The following MAP3K19 variants were observed in gnomAD, a reference collection of about 807,000 sequenced individuals.
The protein encoded by MAP3K19 is mitogen-activated protein kinase kinase kinase 19, also known as SPS1/STE20-related protein kinase YSK4.
In MAP3K19, 91 loss-of-function variants were observed where a neutral mutation model predicts 114.4. That is an observed-to-expected ratio of 0.80 (90% CI 0.67 to 0.95). The LOEUF is 0.95. Ranked by LOEUF, MAP3K19 falls within the 40% of genes least tolerant of loss-of-function variation. The pLI, the probability that MAP3K19 is intolerant of heterozygous loss-of-function variation, is 0.00. For missense variants in MAP3K19, 1,471 were observed against 1,573.2 expected (o/e 0.94, Z 1.10); for synonymous variants, 518 against 530.5 (o/e 0.98, Z 0.32).
At chr2:135,023,581 C>A in intron 4 of MAP3K19, 1 of 526,948 alleles carries the variant, frequency 1.9e-6, no homozygotes, top group Non-Finnish European at 3.9e-6. Flanking sequence ...AAAATTTAGT[C>A]ATCTTTGACT....
intron 5 of MAP3K19, among the ~76,000 whole-genome samples, chr2:135,021,043 T>C (rs1318104508): frequency 1.3e-5 from 2 of 152,196 alleles, no homozygotes; most frequent in African/African-American, 2.4e-5. Flanking sequence ...TTATTTAGTA[T>C]GGATTCAGCT....
At chr2:134,975,849 G>C (rs1684199022) in intron 12 of MAP3K19, among the ~76,000 whole-genome samples, 1 of 152,220 alleles carries the variant, frequency 6.6e-6, no homozygotes, top group Non-Finnish European at 1.5e-5. Flanking sequence ...AGAAGCTGCA[G>C]TGGACAGCAG....
At chr2:135,021,473 TACAC>T (rs111431630) in intron 5 of MAP3K19, among the ~76,000 whole-genome samples, 57 of 146,644 alleles carry the variant, frequency 3.9e-4, no homozygotes, top group African/African-American at 5.7e-4. Flanking sequence ...CACACACACA[TACAC>T]ACACACACAC....
chr2:134,987,116 G>GCCAAGGCCTGGGGTCCACAAGTC lies in MAP3K19; in HGVS notation c.1733_1755dup (p.Gln586AspfsTer20). The GCCAAGGCCTGGGGTCCACAAGTC allele has an allele frequency of 6.2e-7, 1 of 1,613,786 alleles. No individual in the cohort carries two copies. The highest frequency in any genetic ancestry group is 8.5e-7 in the Non-Finnish European group (1 of 1,180,022). On this transcript the variant is annotated frameshift_variant, in exon 10 of 13. Transcript: ENST00000392915. LOFTEE classifies it high-confidence loss of function. ...ATTTTCTTTTGAAACCTGGGCAATT[G>GCCAAGGCCTGGGGTCCACAAGTC]CCAAGGCCTGGGGTCCACAAGTCCC...
intron 11 of MAP3K19, chr2:134,983,400 C>A (rs1684848515): frequency 1.6e-6 from 1 of 607,704 alleles, no homozygotes; most frequent in Non-Finnish European, 3.2e-6. Flanking sequence ...AAAAGCCAGG[C>A]AAAGAGAGAG....
At chr2:135,039,653 A>G (rs10186594) in intron 2 of MAP3K19, among the ~76,000 whole-genome samples, 40,776 of 152,024 alleles carry the variant, frequency 0.27, 7,433 homozygotes, top group African/African-American at 0.49. Context: ...GCAGTTGAGT[A>G]AAATTTGTCT....
intron 12 of MAP3K19, among the ~76,000 whole-genome samples, chr2:134,973,737 T>A (rs1311758832): frequency 6.6e-6 from 1 of 152,180 alleles, no homozygotes; most frequent in Non-Finnish European, 1.5e-5. Context: ...AACGTTTGAG[T>A]CCTTTCTCTA....
At chr2:134,968,149 CAT>C (rs1376630700) in intron 12 of MAP3K19, among the ~76,000 whole-genome samples, 1 of 152,234 alleles carries the variant, frequency 6.6e-6, no homozygotes, top group Middle Eastern at 3.4e-3. Flanking sequence ...GGACACAGCA[CAT>C]GTTTCAGAGA....
intron 11 of MAP3K19, among the ~76,000 whole-genome samples, 184 bp from the exon 12 acceptor site, chr2:134,981,702 A>G (rs1424950876): frequency 4.6e-5 from 7 of 152,140 alleles, no homozygotes; most frequent in Non-Finnish European, 7.4e-5. Context: ...CAAGATGGGT[A>G]TGAGAAACAT....
intron 1 of MAP3K19, among the ~76,000 whole-genome samples, chr2:135,044,303 T>C (rs1466848104): frequency 6.6e-6 from 1 of 152,138 alleles, no homozygotes; most frequent in African/African-American, 2.4e-5. Context: ...CAAAAAGATG[T>C]AATGGAGCCA....
At chr2:134,997,841 T>C (rs1686130605) in intron 8 of MAP3K19, among the ~76,000 whole-genome samples, 1 of 131,672 alleles carries the variant, frequency 7.6e-6, no homozygotes, top group Non-Finnish European at 1.6e-5. Context: ...CTTTAAGCAC[T>C]GCTTCATTTA....
At chr2:135,008,125 C>T (rs1315206861) in intron 5 of MAP3K19, among the ~76,000 whole-genome samples, 1 of 151,358 alleles carries the variant, frequency 6.6e-6, no homozygotes, top group Non-Finnish European at 1.5e-5. Context: ...CATAACAGTA[C>T]TTCTTTTTTT....
Position 134,988,033 on chromosome 2 carries a change from G to A in MAP3K19, c.839C>T (p.Ser280Phe). 5 of 1,614,026 alleles carry A rather than the reference G, an allele frequency of 3.1e-6. No homozygotes were observed. The highest frequency in any genetic ancestry group is 2.5e-6 in the Non-Finnish European group (3 of 1,179,942). Residue 280 changes from serine (S) to phenylalanine (F), a missense_variant, in exon 10 of 13, where the codon TCT (serine) becomes TTT (phenylalanine). Physicochemically the swap from Ser to Phe is radical, Grantham distance 155. Coordinates refer to ENST00000392915, the MANE Select transcript of MAP3K19 (RefSeq NM_025052.5). ...KSLMDPTLRS[S>F]DGFIWSRNMC... ...GTTTCTTGACCAAATGAAGCCATCA[G>A]AAGACCTGAGAGTCGGATCCATCAA...
At position 134,985,819 on chromosome 2, in the gene MAP3K19, G is replaced by T. The variant is rs202227881; in HGVS notation, c.3053C>A (p.Thr1018Lys). 6 of 1,603,340 alleles carry T rather than the reference G, an allele frequency of 3.7e-6. No individual in the cohort carries two copies. The East Asian group carries it at 6.7e-5, about 18-fold the overall frequency. The stretch of plus-strand genomic sequence containing the variant: ...ACCAACCTGTATTTTGACTTTTGTT[G>T]TCTCTCTGCCCATTTCTTTTGGGGT... ...GSTPKEMGRE[T>K]TKVKIQRHSS... The change falls in exon 10 of 13, where the codon ACA becomes AAA. Residue 1018 changes from threonine (T) to lysine (K), a missense_variant. Physicochemically the swap from Thr to Lys is moderately conservative, Grantham distance 78. Transcript: ENST00000392915.
chr2:135,030,806 C>T (rs1200418902), intron 2 of MAP3K19, among the ~76,000 whole-genome samples: 1 of 152,094 alleles, frequency 6.6e-6, no homozygotes, highest in Non-Finnish European at 1.5e-5. Flanking sequence ...GCCTGTAATC[C>T]CAGCTACTGG....
Position 134,994,422 on chromosome 2 carries a change from A to G in MAP3K19, c.575-2842T>C, listed in dbSNP as rs563944186. Among the ~76,000 whole-genome samples, 6 of 152,334 alleles carry G rather than the reference A, an allele frequency of 3.9e-5. No homozygotes were observed. In the South Asian group the frequency reaches 1.2e-3, roughly 32 times the overall value. On this transcript the variant is annotated intron_variant, in intron 8 of 12. Coordinates refer to ENST00000392915, the MANE Select transcript of MAP3K19 (RefSeq NM_025052.5). The stretch of plus-strand genomic sequence containing the variant: ...TACTGGATTCCCTGCCCTGTCCCCT[A>G]TGAGGAGTTACTCTTCTCCTTTCCT...
intron 5 of MAP3K19, among the ~76,000 whole-genome samples, chr2:135,017,181 T>C (rs1286026275): frequency 2.6e-5 from 4 of 152,156 alleles, no homozygotes; most frequent in Non-Finnish European, 5.9e-5. Flanking sequence ...TGACTAGAAG[T>C]TCTCTATGTA....
At chr2:134,969,027 G>A (rs4599166) in intron 12 of MAP3K19, among the ~76,000 whole-genome samples, 11,528 of 152,182 alleles carry the variant, frequency 0.076, 1,165 homozygotes, top group East Asian at 0.4. Flanking sequence ...GTAGCGAACC[G>A]GGATCACGCC....
chr2:135,021,271 G>A (rs1312514678), intron 5 of MAP3K19, among the ~76,000 whole-genome samples: 1 of 152,174 alleles, frequency 6.6e-6, no homozygotes, highest in Non-Finnish European at 1.5e-5. Flanking sequence ...GGACCCCAGA[G>A]CACTAGCTAG....
Sources: allele counts gnomAD v4.1 joint callset (sites outside exome capture counted in the v4.1 genomes callset), GRCh38; gene constraint gnomAD v4.1.1; transcripts MANE v1.5; gene names NCBI Gene and HGNC (gene_info 2026-07-23, HGNC 2026-07-21).